Variants in OTOGL observed in about 807,000 individuals in gnomAD.
OTOGL encodes otogelin like, also known as otogelin-like protein.
OTOGL carries 285 observed loss-of-function variants against 318.5 expected under a neutral mutation model. The observed-to-expected ratio is 0.89, with a 90% CI of 0.81 to 0.99. The LOEUF is 0.99. OTOGL is among the 50% of genes least tolerant of loss of function. The probability of loss-of-function intolerance (pLI) is 0.00; values close to 1 mark genes in which losing one functional copy is unlikely to be tolerated. For synonymous variants in OTOGL, 987 were observed against 936.5 expected (o/e 1.05, Z -0.99); for missense variants, 2,899 against 2,845.6 (o/e 1.02, Z -0.43).
chr12:80,246,514 C>A (rs1880906285), intron 11 of OTOGL, among the ~76,000 whole-genome samples: 1 of 113,220 alleles, frequency 8.8e-6, no homozygotes, highest in Non-Finnish European at 1.7e-5. Context: ...GGATGAAGCC[C>A]ACTTGATCAT....
intron 8 of OTOGL, among the ~76,000 whole-genome samples, chr12:80,229,992 G>GTT (rs397850076): frequency 1.5e-4 from 21 of 142,852 alleles, no homozygotes; most frequent in South Asian, 6.7e-4. Flanking sequence ...TTGGTGGAAG[G>GTT]TTTTTTTTTT....
At position 80,237,642 on chromosome 12, in the gene OTOGL, G is replaced by A. The variant is rs371792107; in HGVS notation, c.818-1209G>A. ...GCAGAAGATATATGAGGGGCAGAGC[G>A]GGTTGGGAGTAAGGGGAGAACAGGG... On this transcript the variant is annotated intron_variant, in intron 9 of 58. Coordinates refer to ENST00000547103, the MANE Select transcript of OTOGL (RefSeq NM_001378609.3). Among the ~76,000 whole-genome samples the A allele has an allele frequency of 2.0e-4, 31 of 152,212 alleles. No homozygotes were observed. The South Asian group carries it at 6.0e-3, about 30-fold the overall frequency.
intron 1 of OTOGL, chr12:80,189,538 T>C: frequency 1.1e-6 from 1 of 872,658 alleles, no homozygotes; most frequent in South Asian, 5.3e-5. Context: ...AGAAGTGAAT[T>C]TCTAGGAAGC....
chr12:80,251,175 G>A (rs1053557296), intron 11 of OTOGL, among the ~76,000 whole-genome samples: 1 of 152,148 alleles, frequency 6.6e-6, no homozygotes, highest in African/African-American at 2.4e-5. Flanking sequence ...AACTGCTGAG[G>A]AACCATTAAA....
At chr12:80,278,976 C>T (rs1884008108) in intron 25 of OTOGL, 52 bp from the exon 26 acceptor site, 2 of 1,563,162 alleles carry the variant, frequency 1.3e-6, no homozygotes, top group Admixed American at 3.4e-5. Flanking sequence ...CACTTGAAAT[C>T]ACTAGTTAGA....
chr12:80,106,423 T>C (rs770333901), intron 1 of OTOGL, among the ~76,000 whole-genome samples: 1 of 152,212 alleles, frequency 6.6e-6, no homozygotes, highest in Non-Finnish European at 1.5e-5. Context: ...TGTATTTGTT[T>C]TATCTCTCCA....
At chr12:80,170,899 C>T (rs548746887) in intron 1 of OTOGL, among the ~76,000 whole-genome samples, 17 of 152,164 alleles carry the variant, frequency 1.1e-4, no homozygotes, top group African/African-American at 3.4e-4. Flanking sequence ...ATCAATTTTT[C>T]TTTTATGGAT....
At chr12:80,322,883 T>C (rs1162036205) in intron 34 of OTOGL, among the ~76,000 whole-genome samples, 2 of 152,202 alleles carry the variant, frequency 1.3e-5, no homozygotes, top group African/African-American at 4.8e-5. Context: ...GTTCATGAAA[T>C]GTATTTGGTC....
At chr12:80,276,287 AT>A (rs2137610130) in intron 24 of OTOGL, among the ~76,000 whole-genome samples, 1 of 151,946 alleles carries the variant, frequency 6.6e-6, no homozygotes, top group African/African-American at 2.4e-5. Context: ...ACTAAAATAC[AT>A]TTATTAGATA....
intron 11 of OTOGL, among the ~76,000 whole-genome samples, chr12:80,249,689 C>T (rs867863944): frequency 1.3e-5 from 2 of 152,050 alleles, no homozygotes; most frequent in African/African-American, 4.8e-5. Context: ...GTGGTGGGCT[C>T]CACCCAGTTC....
intron 28 of OTOGL, among the ~76,000 whole-genome samples, chr12:80,304,396 A>G (rs958872415): frequency 1.3e-5 from 2 of 152,182 alleles, no homozygotes; most frequent in Non-Finnish European, 2.9e-5. Context: ...GTTGTTTGCA[A>G]AAACATTGAT....
At position 80,107,725 on chromosome 12, in the gene OTOGL, T is replaced by C. The variant is rs535995140; in HGVS notation, c.-20+8120T>C. Among the ~76,000 whole-genome samples the C allele has an allele frequency of 1.8e-3, 268 of 151,928 alleles. 3 individuals carry two copies. Among genetic ancestry groups the C allele is most frequent in the Non-Finnish European group, 3.2e-3 (219 of 67,924 alleles). Reference sequence around the variant, plus strand: ...AAAGGCCCATCAGTGGTAGACTAGATAAAGAAAATATGATACATATACACC... The same window carrying C: ...AAAGGCCCATCAGTGGTAGACTAGACAAAGAAAATATGATACATATACACC... On this transcript the variant is annotated intron_variant, in intron 1 of 58. Coordinates refer to ENST00000547103, the MANE Select transcript of OTOGL (RefSeq NM_001378609.3).
rs143354693 is a variant in OTOGL, at chr12:80,310,215, T to A, written c.3334-396T>A. Among the ~76,000 whole-genome samples, 674 of 152,258 alleles carry A rather than the reference T, an allele frequency of 4.4e-3. 5 individuals are homozygous for A. The highest frequency in any genetic ancestry group is 0.011 in the South Asian group (53 of 4,828). On this transcript the variant is annotated intron_variant, in intron 29 of 58. Coordinates refer to ENST00000547103, the MANE Select transcript of OTOGL (RefSeq NM_001378609.3). ...GTATTAGGGGAGGAAGAGGCCAAATTGCTGCATGTGTGGGAATTGAGTCTG... is the reference window on the plus strand; with the variant it reads ...GTATTAGGGGAGGAAGAGGCCAAATAGCTGCATGTGTGGGAATTGAGTCTG...
chr12:80,310,774 G>A, intron 30 of OTOGL, 47 bp downstream of exon 30: 1 of 1,440,580 alleles, frequency 6.9e-7, no homozygotes, highest in Non-Finnish European at 9.6e-7. Context: ...ATGTTCTACT[G>A]TGTCTATAAT....
chr12:80,251,637 T>G lies in OTOGL; in HGVS notation c.1053-56T>G, dbSNP rs943993082. The stretch of plus-strand genomic sequence containing the variant: ...TTTCTAGGGATCAGGACCTCAATGG[T>G]ATGGTTTCTGTCAATATTTCCTATG... On this transcript the variant is annotated intron_variant, in intron 11 of 58. Transcript: ENST00000547103. 4.4e-6 allele frequency: 6 copies of G among 1,377,390 alleles called. No homozygotes were observed. In the African/African-American group the frequency reaches 8.7e-5, roughly 20 times the overall value. The allele number at this position is 1,377,390 out of a possible 1,614,324, so 85.3% of individuals were successfully genotyped here. A position where few individuals can be genotyped will look rare whatever the true frequency, so the allele number is the denominator to read the frequency against.
chr12:80,111,624 A>C (rs942459290), intron 1 of OTOGL, among the ~76,000 whole-genome samples: 4 of 152,228 alleles, frequency 2.6e-5, no homozygotes, highest in Non-Finnish European at 4.4e-5. Context: ...TTTTGGTATC[A>C]GTACTATGCT....
Position 80,368,403 on chromosome 12 carries a change from A to G in OTOGL, c.6615+94A>G, listed in dbSNP as rs1890687640. ...AAATGTCCCCCCCCACACACACTGC[A>G]CTGCATACAATAAACACAGTACACC... is the stretch of plus-strand genomic sequence containing the variant. On this transcript the variant is annotated intron_variant, in intron 55 of 58. Coordinates refer to ENST00000547103, the MANE Select transcript of OTOGL (RefSeq NM_001378609.3). The G allele has an allele frequency of 1.1e-5, 8 of 713,380 alleles. No homozygotes were observed. The South Asian group carries it at 1.4e-4, about 13-fold the overall frequency. The allele number at this position is 713,380 out of a possible 1,614,324, so 44.2% of individuals were successfully genotyped here. A position where few individuals can be genotyped will look rare whatever the true frequency, so the allele number is the denominator to read the frequency against.
chr12:80,282,552 G>A (rs762155351), intron 26 of OTOGL, among the ~76,000 whole-genome samples: 1 of 150,610 alleles, frequency 6.6e-6, no homozygotes, highest in Non-Finnish European at 1.5e-5. Flanking sequence ...TTTGTCTTGT[G>A]TTGTTTGGAT....
chr12:80,119,983 T>A (rs1171547432), intron 1 of OTOGL, among the ~76,000 whole-genome samples: 1 of 152,190 alleles, frequency 6.6e-6, no homozygotes, highest in Non-Finnish European at 1.5e-5. Context: ...TTGTTTTCCT[T>A]TTAAAATAGT....
Sources: allele counts gnomAD v4.1 joint callset (sites outside exome capture counted in the v4.1 genomes callset), GRCh38; gene constraint gnomAD v4.1.1; transcripts MANE v1.5; gene names NCBI Gene and HGNC (gene_info 2026-07-23, HGNC 2026-07-21).